The following ZER1 variants were observed in gnomAD, a reference collection of about 807,000 sequenced individuals.
ZER1 encodes zyg-11 related cell cycle regulator.
Under a neutral mutation model 78.8 loss-of-function variants are expected in ZER1, and 11 were observed. The ratio of observed to expected loss-of-function variants is 0.14; its 90% CI spans 0.09 to 0.23. The LOEUF (loss-of-function observed/expected upper bound fraction) is 0.23, where lower values mean the gene tolerates loss of function less well. Among genes scored for constraint, ZER1 ranks in the 10% least tolerant of loss-of-function variants. The probability of loss-of-function intolerance (pLI) is 1.00; values close to 1 mark genes in which losing one functional copy is unlikely to be tolerated. For missense variants in ZER1, 588 were observed against 996.9 expected (o/e 0.59, Z 5.52); for synonymous variants, 400 against 407.0 (o/e 0.98, Z 0.21).
At chr9:128,735,686 C>T (rs1211757310) in intron 13 of ZER1, among the ~76,000 whole-genome samples, 2 of 149,160 alleles carry the variant, frequency 1.3e-5, no homozygotes, top group Non-Finnish European at 3.0e-5. Context: ...AGCTGGAGAC[C>T]TCAGCAAGGA....
intron 8 of ZER1, among the ~76,000 whole-genome samples, chr9:128,748,648 T>G (rs1863577467): frequency 6.6e-6 from 1 of 151,772 alleles, no homozygotes; most frequent in Non-Finnish European, 1.5e-5. Flanking sequence ...CTCAGCTCAC[T>G]GCAACCTCTA....
At position 128,740,953 on chromosome 9, in the gene ZER1, A is replaced by G. The variant is rs1863270291; in HGVS notation, c.1738-66T>C. Reference sequence around the variant, plus strand: ...TAATGACTTAGTATCTGGTATTGTTAACCAAAAAGCTTCATGGGCATCTGG... The same window carrying G: ...TAATGACTTAGTATCTGGTATTGTTGACCAAAAAGCTTCATGGGCATCTGG... On this transcript the variant is annotated intron_variant, in intron 11 of 15. Coordinates refer to ENST00000291900, the MANE Select transcript of ZER1 (RefSeq NM_006336.4). The surrounding 1 kb of genome is among the most constrained non-coding windows in gnomAD (Gnocchi z 4.4). 2 of 756,956 alleles carry G rather than the reference A, an allele frequency of 2.6e-6. No homozygotes were observed. Among genetic ancestry groups the G allele is most frequent in the Non-Finnish European group, 4.9e-6 (2 of 404,854 alleles). The allele number at this position is 756,956 out of a possible 1,614,324, so 46.9% of individuals were successfully genotyped here. A position where few individuals can be genotyped will look rare whatever the true frequency, so the allele number is the denominator to read the frequency against.
At position 128,751,300 on chromosome 9, in the gene ZER1, C is replaced by G. The variant is rs754392203; in HGVS notation, c.1039-32G>C. ...GTGGGACACGCTCAGAACAACCCAG[C>G]AGAGGCCAAGGGCTGGGATGCCAGA... On this transcript the variant is annotated intron_variant, in intron 6 of 15. Transcript: ENST00000291900. This position sits in a 1 kb window ranked among gnomAD's most constrained non-coding sequence, Gnocchi z 5.4. 1 of 1,603,548 alleles carries G rather than the reference C, an allele frequency of 6.2e-7. No individual in the cohort carries two copies. The highest frequency in any genetic ancestry group is 1.3e-5 in the African/African-American group (1 of 74,724).
intron 9 of ZER1, 82 bp from the exon 10 acceptor site, chr9:128,741,923 C>T: frequency 6.4e-7 from 1 of 1,565,538 alleles, no homozygotes; most frequent in Non-Finnish European, 8.8e-7. Flanking sequence ...AGGGGAGGCT[C>T]AGCAACGCCA....
At chr9:128,743,255 T>C (rs946091787) in intron 8 of ZER1, among the ~76,000 whole-genome samples, 4 of 151,770 alleles carry the variant, frequency 2.6e-5, no homozygotes, top group African/African-American at 9.7e-5. Context: ...GTAGCTGGGA[T>C]TACAGGCGTG....
At chr9:128,761,996 C>T (rs1589545026) in intron 1 of ZER1, among the ~76,000 whole-genome samples, 2 of 152,288 alleles carry the variant, frequency 1.3e-5, no homozygotes, top group East Asian at 3.9e-4. Context: ...CCTCACATCT[C>T]TTAGAGCAAG....
chr9:128,740,679 C>A lies in ZER1; in HGVS notation c.1853+93G>T. 2 of 676,662 alleles carry A rather than the reference C, an allele frequency of 3.0e-6. No homozygotes were observed. The highest frequency in any genetic ancestry group is 1.7e-5 in the South Asian group (1 of 59,150). 41.9% of individuals were successfully genotyped at this position (676,662 alleles called of 1,614,324 possible). A position where few individuals can be genotyped will look rare whatever the true frequency, so the allele number is the denominator to read the frequency against. Reference sequence around the variant, plus strand: ...AGGGAAAATGACATTTATAGCAAACCTAGGCTAAGAGCAGTTGTGCAACTG... The same window carrying A: ...AGGGAAAATGACATTTATAGCAAACATAGGCTAAGAGCAGTTGTGCAACTG... On this transcript the variant is annotated intron_variant, in intron 12 of 15. Coordinates refer to ENST00000291900, the MANE Select transcript of ZER1 (RefSeq NM_006336.4). The surrounding 1 kb of genome is among the most constrained non-coding windows in gnomAD (Gnocchi z 4.4).
At chr9:128,742,059 G>A (rs2132413906) in intron 9 of ZER1, among the ~76,000 whole-genome samples, 1 of 152,334 alleles carries the variant, frequency 6.6e-6, no homozygotes, top group East Asian at 1.9e-4. Flanking sequence ...CTGGCCCTCG[G>A]GTGACTCCCC....
At chr9:128,768,328 T>C (rs1156730942) in intron 1 of ZER1, among the ~76,000 whole-genome samples, 2 of 152,208 alleles carry the variant, frequency 1.3e-5, no homozygotes, top group Non-Finnish European at 2.9e-5. Context: ...TGCATAATCC[T>C]AGTGGTACTA....
In ZER1 at chr9:128,754,392, CT is replaced by C. The variant is rs979646940; in HGVS notation, c.159-434del. The stretch of plus-strand genomic sequence containing the variant: ...TAATGAAGCCCTGTTGAGACATCAG[CT>C]CATGCAAGAATCCTGGTCTGCTGGG... On this transcript the variant is annotated intron_variant, in intron 2 of 15. Transcript: ENST00000291900. This position sits in a 1 kb window ranked among gnomAD's most constrained non-coding sequence, Gnocchi z 4.3. 2.0e-5 allele frequency among the ~76,000 whole-genome samples: 3 copies of C among 152,208 alleles called. No individual in the cohort carries two copies.
chr9:128,745,789 T>A (rs1863469127), intron 8 of ZER1: 1 of 152,120 alleles, frequency 6.6e-6, no homozygotes, highest in Non-Finnish European at 1.5e-5. Context: ...GTGGCTGGGA[T>A]TTCTGGGTAT....
chr9:128,734,233 GTCACCCAGGC>G (rs1862978531), intron 14 of ZER1, among the ~76,000 whole-genome samples: 1 of 129,468 alleles, frequency 7.7e-6, no homozygotes, highest in Non-Finnish European at 1.6e-5. Context: ...GTCTCACTCT[GTCACCCAGGC>G]TGGAGTGCAG....
At chr9:128,731,696 G>A (rs918052922) in intron 15 of ZER1, among the ~76,000 whole-genome samples, 4 of 152,116 alleles carry the variant, frequency 2.6e-5, no homozygotes, top group African/African-American at 7.2e-5. Flanking sequence ...GCTCAGGCCC[G>A]ACCTCCAAAA....
chr9:128,752,910 G>A, intron 4 of ZER1, 61 bp from the exon 5 acceptor site: 1 of 1,556,882 alleles, frequency 6.4e-7, no homozygotes, highest in Non-Finnish European at 8.7e-7. Context: ...CTGCCTTGCA[G>A]ATCCCAGCTC....
At chr9:128,741,762 G>C (rs1259913508) in intron 10 of ZER1, 38 bp downstream of exon 10, 3 of 1,614,138 alleles carry the variant, frequency 1.9e-6, no homozygotes, top group Non-Finnish European at 1.7e-6. Context: ...TTGCGAGGTG[G>C]GGAAAGGGTA....
At chr9:128,741,778 G>T in intron 10 of ZER1, 22 bp downstream of exon 10, 1 of 1,614,198 alleles carries the variant, frequency 6.2e-7, no homozygotes, top group Admixed American at 1.7e-5. Context: ...GGGTAGCGTG[G>T]CTTCGTGAAG....
intron 1 of ZER1, among the ~76,000 whole-genome samples, chr9:128,769,226 C>T (rs1294364477): frequency 6.6e-6 from 1 of 152,186 alleles, no homozygotes; most frequent in African/African-American, 2.4e-5. Context: ...GAGCTGGTGA[C>T]ACCACCAGCT....
rs1167081880 is a variant in ZER1, at chr9:128,730,025, C to T, written c.*1312G>A. The T allele has an allele frequency of 6.6e-6, 1 of 152,322 alleles. No homozygotes were observed. The highest frequency in any genetic ancestry group is 2.4e-5 in the African/African-American group (1 of 41,466). The allele number at this position is 152,322 out of a possible 1,614,324, so 9.4% of individuals were successfully genotyped here. ...CAGGAGAAAAAGGCCAGGTGTCTCT[C>T]CCAAAGCTGCTCACCCCTGCCGTCC... On this transcript the variant is annotated 3_prime_UTR_variant, in exon 16 of 16. Transcript: ENST00000291900.
At chr9:128,739,257 C>A (rs919233050) in intron 13 of ZER1, among the ~76,000 whole-genome samples, 1 of 151,786 alleles carries the variant, frequency 6.6e-6, no homozygotes, top group Non-Finnish European at 1.5e-5. Flanking sequence ...AATCCCAGCA[C>A]TTTGGGAGGC....
Sources: allele counts gnomAD v4.1 joint callset (sites outside exome capture counted in the v4.1 genomes callset), GRCh38; gene constraint gnomAD v4.1.1; non-coding constraint Gnocchi (gnomAD v3.1); transcripts MANE v1.5; gene names NCBI Gene and HGNC (gene_info 2026-07-23, HGNC 2026-07-21).